Variants in GJA9 observed in about 807,000 individuals in gnomAD.
GJA9 encodes the protein gap junction protein alpha 9, also known as gap junction alpha-9 protein.
A neutral mutation model predicts 0.4 loss-of-function variants in GJA9; 1 was observed. The ratio of observed to expected loss-of-function variants is 2.50; its 90% CI spans 0.89 to 11.88. GJA9 has a LOEUF of 11.88. Ranked by LOEUF, GJA9 falls within the 30% of genes most tolerant of loss-of-function variation. The pLI is 0.12. For synonymous variants in GJA9, 190 were observed against 219.1 expected (o/e 0.87, Z 1.17); for missense variants, 550 against 602.8 (o/e 0.91, Z 0.92).
rs1557602935 is a variant in GJA9 at position 38,881,483 on chromosome 1, C to T, written c.-147G>A. On this transcript the variant is annotated 5_prime_UTR_variant, in exon 1 of 2. The change abolishes an upstream ATG in the 5' untranslated region. Transcript: ENST00000357771. ...AGCAAACCATGTTTAGAAGTTACAG[C>T]ATGGCCATCTTCAATTTATTTTCTG... 1.4e-6 allele frequency: 1 copy of T among 701,612 alleles called. No homozygotes were observed. Among genetic ancestry groups the T allele is most frequent in the Non-Finnish European group, 2.6e-6 (1 of 384,466 alleles). 43.5% of individuals were successfully genotyped at this position (701,612 alleles called of 1,614,324 possible).
At position 38,876,017 on chromosome 1, in the gene GJA9, TG is replaced by T. The variant is rs745744469; in HGVS notation, c.81del (p.Ile28SerfsTer12). On this transcript the variant is annotated frameshift_variant, in exon 2 of 2. Transcript: ENST00000357771. LOFTEE classifies it low-confidence loss of function (END_TRUNC). ...HSTMIGKIWLTILFIFRMLVL... is the reference protein window; with the variant it reads ...HSTMIGKIWLXILFIFRMLVL... Reference sequence around the variant, plus strand: ...ACAAGCATTCGAAATATGAACAGGATGGTGAGCCAGATCTTTCCAATCATGG... The same window carrying T: ...ACAAGCATTCGAAATATGAACAGGATGTGAGCCAGATCTTTCCAATCATGG... 1 of 1,614,248 alleles carries T rather than the reference TG, an allele frequency of 6.2e-7. No individual in the cohort carries two copies. Among genetic ancestry groups the T allele is most frequent in the Admixed American group, 1.7e-5 (1 of 60,022 alleles).
At chr1:38,876,865 C>T (rs111994186) in intron 1 of GJA9, among the ~76,000 whole-genome samples, 4 of 151,692 alleles carry the variant, frequency 2.6e-5, no homozygotes, top group African/African-American at 9.7e-5. Flanking sequence ...TGGTGGCAGG[C>T]GCTTGTAGTC....
intron 1 of GJA9, among the ~76,000 whole-genome samples, chr1:38,880,587 G>GACCAA (rs1642680278): frequency 3.3e-5 from 5 of 150,946 alleles, no homozygotes; most frequent in Admixed American, 2.0e-4. Context: ...TTCGAGACCA[G>GACCAA]CCTGAGCAAC....
chr1:38,880,411 A>AT lies in GJA9; in HGVS notation c.-96+1020dup, dbSNP rs1557602334. Among the ~76,000 whole-genome samples, 718 of 105,968 alleles carry AT rather than the reference A, an allele frequency of 6.8e-3. 31 individuals carry two copies. Among genetic ancestry groups the AT allele is most frequent in the African/African-American group, 0.025 (686 of 26,922 alleles). 69.5% of individuals were successfully genotyped at this position (105,968 alleles called of 152,430 possible). ...GAGCAAGACTCTGTCTCAAAAAAAA[A>AT]TAAATAATAATAATAATAATAATAA... On this transcript the variant is annotated intron_variant, in intron 1 of 1. Transcript: ENST00000357771.
Position 38,874,329 on chromosome 1 carries a change from T to TTAA in GJA9, c.*221_*222insTTA, listed in dbSNP as rs369217693. 5 of 430,966 alleles carry TTAA rather than the reference T, an allele frequency of 1.2e-5. No homozygotes were observed. In the East Asian group the frequency reaches 1.2e-4, roughly 10 times the overall value. 26.7% of individuals were successfully genotyped at this position (430,966 alleles called of 1,614,324 possible). On this transcript the variant is annotated 3_prime_UTR_variant, in exon 2 of 2. Transcript: ENST00000357771. ...CAGTTACATTCGAAAGGATATCATT[T>TTAA]AAAAAAAAAAAAATCCTGATTTGAC...
At chr1:38,881,117 G>A (rs1310366213) in intron 1 of GJA9, among the ~76,000 whole-genome samples, 1 of 151,938 alleles carries the variant, frequency 6.6e-6, no homozygotes, top group Non-Finnish European at 1.5e-5. Flanking sequence ...AAATATTAAC[G>A]GTGATTAGCT....
chr1:38,877,371 G>T (rs1642607061), intron 1 of GJA9, among the ~76,000 whole-genome samples: 1 of 152,030 alleles, frequency 6.6e-6, no homozygotes, highest in Non-Finnish European at 1.5e-5. Context: ...TTTTGGAAAG[G>T]TTTCTAAAAC....
intron 1 of GJA9, among the ~76,000 whole-genome samples, chr1:38,879,176 A>G (rs1019839384): frequency 6.6e-6 from 1 of 152,200 alleles, no homozygotes; most frequent in Admixed American, 6.5e-5. Flanking sequence ...CAGTGGGGCA[A>G]GTTATAATTT....
In GJA9 at chr1:38,875,051, T is replaced by C. The variant is rs201129700; in HGVS notation, c.1048A>G (p.Asn350Asp). The C allele has an allele frequency of 5.0e-6, 8 of 1,614,122 alleles. No individual in the cohort carries two copies. Among genetic ancestry groups the C allele is most frequent in the Middle Eastern group, 3.3e-4 (2 of 6,062 alleles). ...CSHFQHISSN[N>D]NKDTHKIFGK... ...AATATTTTATGAGTGTCTTTGTTAT[T>C]GTTTGAACTGATGTGTTGAAAATGA... Residue 350 changes from asparagine (N) to aspartate (D), a missense_variant, in exon 2 of 2, where the codon AAT becomes GAT. Physicochemically the swap from Asn to Asp is conservative, Grantham distance 23. Transcript: ENST00000357771.
rs1557599363 is a variant in GJA9 at position 38,875,011 on chromosome 1, T to C, written c.1088A>G (p.Asn363Ser). ...DTHKIFGKEL[N>S]GNQLMEKRET... The stretch of plus-strand genomic sequence containing the variant: ...TCTTTTTTCCATTAACTGGTTACCA[T>C]TAAGTTCTTTTCCAAATATTTTATG... The change falls in exon 2 of 2, where the codon AAT (asparagine) becomes AGT (serine). Residue 363 changes from asparagine to serine, a missense_variant. By Grantham distance (46) the Asn-to-Ser change is conservative. Transcript: ENST00000357771. 6.2e-7 allele frequency: 1 copy of C among 1,614,198 alleles called. No homozygotes were observed. Among genetic ancestry groups the C allele is most frequent in the East Asian group, 2.2e-5 (1 of 44,896 alleles).
At position 38,874,820 on chromosome 1, in the gene GJA9, C is replaced by T. The variant is rs781362063; in HGVS notation, c.1279G>A (p.Gly427Ser). ...WKPRWLRATWGSSTEHENRGS... is the reference protein window; with the variant it reads ...WKPRWLRATWSSSTEHENRGS... ...CGGTTTTCATGTTCTGTAGAGGAACCCCATGTAGCTCTAAGCCACCGCGGT... is the reference window on the plus strand; with the variant it reads ...CGGTTTTCATGTTCTGTAGAGGAACTCCATGTAGCTCTAAGCCACCGCGGT... The change falls in exon 2 of 2, where the codon GGT becomes AGT. Residue 427 changes from glycine to serine, a missense_variant. Gly to Ser is a moderately conservative substitution (Grantham distance 56, BLOSUM62 0). Coordinates refer to ENST00000357771, the MANE Select transcript of GJA9 (RefSeq NM_030772.5). 5.0e-6 allele frequency: 8 copies of T among 1,614,040 alleles called. No individual in the cohort carries two copies. The highest frequency in any genetic ancestry group is 1.7e-4 in the Middle Eastern group (1 of 6,060).
At position 38,876,080 on chromosome 1, in the gene GJA9, G is replaced by T; in HGVS notation, c.19C>A (p.Leu7Ile). 6.2e-7 allele frequency: 1 copy of T among 1,613,538 alleles called. No homozygotes were observed. The highest frequency in any genetic ancestry group is 1.1e-5 in the South Asian group (1 of 91,034). The change falls in exon 2 of 2, where the codon CTT becomes ATT. Residue 7 changes from leucine (L) to isoleucine (I), a missense_variant. Leu to Ile is a conservative substitution (Grantham distance 5). Coordinates refer to ENST00000357771, the MANE Select transcript of GJA9 (RefSeq NM_030772.5). The stretch of plus-strand genomic sequence containing the variant: ...TGAACTTCCTCCAGAGTATCTCCAA[G>T]GAGATTCCAGTCCCCCATGTTTATT... MGDWNL[L>I]GDTLEEVHIH... is the part of the protein sequence containing the mutation.
At chr1:38,879,317 G>A (rs1642649566) in intron 1 of GJA9, among the ~76,000 whole-genome samples, 1 of 152,170 alleles carries the variant, frequency 6.6e-6, no homozygotes, top group Admixed American at 6.5e-5. Flanking sequence ...AAATATAAAT[G>A]TATGTCCTGT....
intron 1 of GJA9, among the ~76,000 whole-genome samples, chr1:38,878,538 G>A (rs1642632737): frequency 6.6e-6 from 1 of 150,610 alleles, no homozygotes; most frequent in Admixed American, 6.6e-5. Context: ...TTAGCTGGGT[G>A]TGGTGGCAGG....
At chr1:38,879,876 T>C (rs1050172970) in intron 1 of GJA9, among the ~76,000 whole-genome samples, 4 of 151,918 alleles carry the variant, frequency 2.6e-5, no homozygotes, top group Non-Finnish European at 4.4e-5. Flanking sequence ...TACAGGCGCC[T>C]GCCACCACGC....
rs1325537570 is a variant in GJA9 at position 38,875,532 on chromosome 1, G to A, written c.567C>T (p.Cys189=). The part of the protein sequence containing the change: ...YGFHLEPLFK[C]HGHPCPNIID... ...TTATATTTGGACACGGGTGGCCATG[G>A]CACTTAAATAGCGGCTCTAAGTGAA... Residue 189 remains cysteine, a synonymous_variant, in exon 2 of 2, where the codon TGC becomes TGT. Transcript: ENST00000357771. 1 of 1,614,132 alleles carries A rather than the reference G, an allele frequency of 6.2e-7. No individual in the cohort carries two copies. The highest frequency in any genetic ancestry group is 2.2e-5 in the East Asian group (1 of 44,888).
chr1:38,879,923 G>A (rs1175030161), intron 1 of GJA9, among the ~76,000 whole-genome samples: 2 of 151,126 alleles, frequency 1.3e-5, no homozygotes, highest in African/African-American at 2.4e-5. Flanking sequence ...TAGAGACGGG[G>A]TTTCACCGTG....
At position 38,875,864 on chromosome 1, in the gene GJA9, C is replaced by T. The variant is rs1642577484; in HGVS notation, c.235G>A (p.Val79Ile). 6 of 1,614,050 alleles carry T rather than the reference C, an allele frequency of 3.7e-6. No individual in the cohort carries two copies. The highest frequency in any genetic ancestry group is 1.3e-5 in the African/African-American group (1 of 74,920). The change falls in exon 2 of 2, where the codon GTT (valine) becomes ATT (isoleucine). Residue 79 changes from valine (V) to isoleucine (I), a missense_variant. By Grantham distance (29) the Val-to-Ile change is conservative. Coordinates refer to ENST00000357771, the MANE Select transcript of GJA9 (RefSeq NM_030772.5). Reference sequence around the variant, plus strand: ...GAAGACACAAATATCACCTGCAGAACCCAGTATCTAATGAGGGAGATAGGA... The same window carrying T: ...GAAGACACAAATATCACCTGCAGAATCCAGTATCTAATGAGGGAGATAGGA... ...AFPISLIRYW[V>I]LQVIFVSSPS... is the part of the protein sequence containing the mutation.
Position 38,875,616 on chromosome 1 carries a change from A to G in GJA9, c.483T>C (p.Ile161=). The G allele has an allele frequency of 1.2e-6, 2 of 1,614,216 alleles. No homozygotes were observed. Among genetic ancestry groups the G allele is most frequent in the Non-Finnish European group, 1.7e-6 (2 of 1,180,038 alleles). Residue 161 remains isoleucine, a synonymous_variant, in exon 2 of 2, where the codon ATT becomes ATC. Transcript: ENST00000357771. ...CAACTTCAACCACAGAGCGAGTGAA[A>G]ATGTGTATCACATAAGTGCAAAGCA... ...GTLLCTYVIH[I]FTRSVVEVGF...
Sources: allele counts gnomAD v4.1 joint callset (sites outside exome capture counted in the v4.1 genomes callset), GRCh38; gene constraint gnomAD v4.1.1; transcripts MANE v1.5; gene names NCBI Gene and HGNC (gene_info 2026-07-23, HGNC 2026-07-21).